The following HSD17B6 variants were observed in gnomAD, a reference collection of about 807,000 sequenced individuals.
HSD17B6 encodes the protein 17-beta-hydroxysteroid dehydrogenase type 6.
In HSD17B6, 16 loss-of-function variants were observed where a neutral mutation model predicts 26.4. The observed-to-expected ratio is 0.61, with a 90% CI of 0.41 to 0.92. HSD17B6 has a LOEUF of 0.92. Ranked by LOEUF, HSD17B6 falls within the 40% of genes least tolerant of loss-of-function variation. The pLI is 0.00. For missense variants in HSD17B6, 357 were observed against 386.1 expected, an observed-to-expected ratio of 0.92 and a Z score of 0.63; for synonymous variants, 139 against 153.0, an observed-to-expected ratio of 0.91 and a Z score of 0.68.
intron 2 of HSD17B6, among the ~76,000 whole-genome samples, chr12:56,777,513 C>T (rs969088239): frequency 1.2e-4 from 18 of 152,036 alleles, no homozygotes; most frequent in South Asian, 4.2e-4. Flanking sequence ...TACAGGCGCC[C>T]GCCACCATAC....
chr12:56,778,921 C>T (rs1954652013), intron 2 of HSD17B6, among the ~76,000 whole-genome samples: 1 of 151,916 alleles, frequency 6.6e-6, no homozygotes. Flanking sequence ...GGGATCCGCT[C>T]GTCTTGGCCT....
chr12:56,787,694 A>G lies in HSD17B6; in HGVS notation c.*352A>G. The G allele has an allele frequency of 4.9e-6, 1 of 205,750 alleles. No individual in the cohort carries two copies. Among genetic ancestry groups the G allele is most frequent in the South Asian group, 8.9e-5 (1 of 11,186 alleles). 12.7% of individuals were successfully genotyped at this position (205,750 alleles called of 1,614,324 possible). ...TTCTATGCTTTAATAATCTATTGTGAGGAAACTACTAAGAAATATGTTGGT... is the reference window on the plus strand; with the variant it reads ...TTCTATGCTTTAATAATCTATTGTGGGGAAACTACTAAGAAATATGTTGGT... On this transcript the variant is annotated 3_prime_UTR_variant, in exon 5 of 5. Transcript: ENST00000322165.
At position 56,784,973 on chromosome 12, in the gene HSD17B6, C is replaced by T. The variant is rs1388185802; in HGVS notation, c.693C>T (p.Pro231=). ...ERMKQSWKEA[P]KHIKETYGQQ... is the part of the protein sequence containing the mutation. The stretch of plus-strand genomic sequence containing the variant: ...TGAAGCAAAGTTGGAAAGAAGCCCC[C>T]AAGCATATTAAGGAGACCTATGGAC... Residue 231 remains proline, a synonymous_variant, in exon 4 of 5, where the codon CCC becomes CCT. Coordinates refer to ENST00000322165, the MANE Select transcript of HSD17B6 (RefSeq NM_003725.4). The T allele has an allele frequency of 6.2e-7, 1 of 1,614,042 alleles. No individual in the cohort carries two copies. Among genetic ancestry groups the T allele is most frequent in the Non-Finnish European group, 8.5e-7 (1 of 1,180,008 alleles).
At position 56,787,252 on chromosome 12, in the gene HSD17B6, A is replaced by T; in HGVS notation, c.864A>T (p.Lys288Asn). The change falls in exon 5 of 5, where the codon AAA (lysine) becomes AAT (asparagine). Residue 288 changes from lysine to asparagine, a missense_variant. Coordinates refer to ENST00000322165, the MANE Select transcript of HSD17B6 (RefSeq NM_003725.4). ...GATATTCAGCTGGCTGGGATGCTAA[A>T]TTTTTCTTCATCCCTCTATCTTATT... ...RTRYSAGWDA[K>N]FFFIPLSYLP... is the part of the protein sequence containing the mutation. 6.2e-7 allele frequency: 1 copy of T among 1,614,112 alleles called. No individual in the cohort carries two copies. The highest frequency in any genetic ancestry group is 8.5e-7 in the Non-Finnish European group (1 of 1,180,002).
At chr12:56,783,257 G>A (rs554046355) in intron 3 of HSD17B6, among the ~76,000 whole-genome samples, 40 of 151,110 alleles carry the variant, frequency 2.6e-4, no homozygotes, top group African/African-American at 9.2e-4. Context: ...CGGGGTGGCC[G>A]GGCGGGGGGC....
intron 1 of HSD17B6, among the ~76,000 whole-genome samples, chr12:56,764,975 C>G (rs1193936768): frequency 1.3e-5 from 2 of 152,076 alleles, no homozygotes; most frequent in African/African-American, 4.8e-5. Flanking sequence ...CAGGCGCCCG[C>G]CATCACACCT....
chr12:56,768,908 C>T lies in HSD17B6; in HGVS notation c.-19-4926C>T, dbSNP rs181754957. Reference sequence around the variant, plus strand: ...AAGGCTTTGGGGTGCTAGTGAAGCACCCCTAAAATGGCCAACTATGAGACC... The same window carrying T: ...AAGGCTTTGGGGTGCTAGTGAAGCATCCCTAAAATGGCCAACTATGAGACC... On this transcript the variant is annotated intron_variant, in intron 1 of 4. Coordinates refer to ENST00000322165, the MANE Select transcript of HSD17B6 (RefSeq NM_003725.4). Among the ~76,000 whole-genome samples, 614 of 151,902 alleles carry T rather than the reference C, an allele frequency of 4.0e-3. 7 individuals are homozygous for T. Among genetic ancestry groups the T allele is most frequent in the Middle Eastern group, 0.014 (4 of 294 alleles).
In HSD17B6 at chr12:56,787,209, C is replaced by T. The variant is rs763705815; in HGVS notation, c.821C>T (p.Ser274Leu). Residue 274 changes from serine (S) to leucine (L), a missense_variant, in exon 5 of 5, where the codon TCG (serine) becomes TTG (leucine). By Grantham distance (145) the Ser-to-Leu change is moderately radical. Coordinates refer to ENST00000322165, the MANE Select transcript of HSD17B6 (RefSeq NM_003725.4). ...VTDCMEHALT[S>L]VHPRTRYSAG... Reference sequence around the variant, plus strand: ...GACTGCATGGAACATGCTCTGACATCGGTGCATCCGCGAACTCGATATTCA... The same window carrying T: ...GACTGCATGGAACATGCTCTGACATTGGTGCATCCGCGAACTCGATATTCA... 4.2e-5 allele frequency: 67 copies of T among 1,613,992 alleles called. No individual in the cohort carries two copies. Among genetic ancestry groups the T allele is most frequent in the Middle Eastern group, 1.6e-4 (1 of 6,084 alleles).
At chr12:56,766,135 G>A (rs1160064684) in intron 1 of HSD17B6, among the ~76,000 whole-genome samples, 2 of 151,386 alleles carry the variant, frequency 1.3e-5, no homozygotes, top group East Asian at 3.9e-4. Flanking sequence ...GCCTGCAAGA[G>A]AAAAACCCCC....
At chr12:56,767,447 G>GCAGA (rs1477712294) in intron 1 of HSD17B6, among the ~76,000 whole-genome samples, 5 of 150,888 alleles carry the variant, frequency 3.3e-5, no homozygotes, top group Non-Finnish European at 5.9e-5. Flanking sequence ...AACCTGGGAG[G>GCAGA]CAGAGCTTGC....
At chr12:56,775,065 T>G (rs1954561930) in intron 2 of HSD17B6, among the ~76,000 whole-genome samples, 1 of 152,214 alleles carries the variant, frequency 6.6e-6, no homozygotes, top group East Asian at 1.9e-4. Context: ...TCCATGGATA[T>G]GAAGGGCTGA....
Position 56,784,995 on chromosome 12 carries a change from G to A in HSD17B6, c.715G>A (p.Gly239Arg). Residue 239 changes from glycine (G) to arginine (R), a missense_variant, in exon 4 of 5, where the codon GGA becomes AGA. Physicochemically the swap from Gly to Arg is moderately radical, Grantham distance 125. Transcript: ENST00000322165. The stretch of plus-strand genomic sequence containing the variant: ...CCCCAAGCATATTAAGGAGACCTAT[G>A]GACAGCAGTATTTTGATGCCCGTAA... ...EAPKHIKETY[G>R]QQYFDALYNI... 6.2e-7 allele frequency: 1 copy of A among 1,612,930 alleles called. No individual in the cohort carries two copies. Among genetic ancestry groups the A allele is most frequent in the Non-Finnish European group, 8.5e-7 (1 of 1,179,774 alleles).
chr12:56,764,455 A>G (rs960681507), intron 1 of HSD17B6, among the ~76,000 whole-genome samples: 4 of 152,204 alleles, frequency 2.6e-5, no homozygotes, highest in African/African-American at 7.2e-5. Context: ...GGATGTTGCA[A>G]TATGTGGAGT....
At chr12:56,783,527 G>A (rs868076956) in intron 3 of HSD17B6, among the ~76,000 whole-genome samples, 31 of 145,140 alleles carry the variant, frequency 2.1e-4, no homozygotes, top group Middle Eastern at 3.7e-3. Flanking sequence ...TGGGGCGGCC[G>A]GCCGGGCGGG....
At chr12:56,780,749 T>TAAGGC in intron 2 of HSD17B6, among the ~76,000 whole-genome samples, 1 of 143,264 alleles carries the variant, frequency 7.0e-6, no homozygotes, top group Non-Finnish European at 1.5e-5. Flanking sequence ...CTCAGGAGGC[T>TAAGGC]AAGGCAGGAG....
intron 3 of HSD17B6, among the ~76,000 whole-genome samples, chr12:56,784,326 G>A (rs1292815950): frequency 2.6e-5 from 4 of 152,174 alleles, no homozygotes; most frequent in Non-Finnish European, 4.4e-5. Context: ...CAAGGCAGGC[G>A]GCTGGGAGGT....
intron 1 of HSD17B6, among the ~76,000 whole-genome samples, chr12:56,772,751 G>A (rs904789192): frequency 6.6e-6 from 1 of 151,536 alleles, no homozygotes; most frequent in Non-Finnish European, 1.5e-5. Flanking sequence ...GTAGATGAGG[G>A]CTACTTCTTT....
chr12:56,781,003 A>G (rs150877012), intron 2 of HSD17B6, among the ~76,000 whole-genome samples: 89 of 152,294 alleles, frequency 5.8e-4, no homozygotes, highest in Non-Finnish European at 1.0e-3. Flanking sequence ...TCTCATGGCA[A>G]ATCTGCTGGC....
intron 2 of HSD17B6, among the ~76,000 whole-genome samples, chr12:56,780,790 A>C (rs535149985): frequency 2.8e-5 from 4 of 142,668 alleles, no homozygotes; most frequent in Non-Finnish European, 6.0e-5. Context: ...TGGAGCTTGC[A>C]GTGAGTGGAG....
Sources: gnomAD v4.1 joint callset for allele counts (sites outside exome capture counted in the v4.1 genomes callset) on GRCh38, gnomAD v4.1.1 for gene constraint, MANE v1.5 for transcripts, NCBI Gene and HGNC (gene_info 2026-07-23, HGNC 2026-07-21) for gene names.